The following SORBS3 variants were observed in gnomAD, a reference collection of about 807,000 sequenced individuals.
SORBS3 encodes the protein sorbin and SH3 domain containing 3, also known as vinexin.
SORBS3 carries 69 observed loss-of-function variants against 98.0 expected under a neutral mutation model. The observed-to-expected ratio is 0.70, with a 90% CI of 0.58 to 0.86. SORBS3 has a LOEUF of 0.86. Ranked by LOEUF, SORBS3 falls within the 40% of genes least tolerant of loss-of-function variation. The probability of loss-of-function intolerance (pLI) is 0.00; values close to 1 mark genes in which losing one functional copy is unlikely to be tolerated. For missense variants in SORBS3, 954 were observed against 908.5 expected, an observed-to-expected ratio of 1.05 and a Z score of -0.64; for synonymous variants, 394 against 355.4, an observed-to-expected ratio of 1.11 and a Z score of -1.22.
rs764818767 is a variant in SORBS3, at chr8:22,561,882, G to A, written c.535G>A (p.Ala179Thr). 6.2e-7 allele frequency: 1 copy of A among 1,614,172 alleles called. No individual in the cohort carries two copies. Among genetic ancestry groups the A allele is most frequent in the Admixed American group, 1.7e-5 (1 of 60,018 alleles). ...CTCTGCAGACCCCAGGCATCTAGGAGCCCAGCAAAGACCTGCCCACAGGCC... is the reference window on the plus strand; with the variant it reads ...CTCTGCAGACCCCAGGCATCTAGGAACCCAGCAAAGACCTGCCCACAGGCC... Reference protein sequence around the residue: ...EPPRDPRHLGAQQRPAHRPGP... With the variant: ...EPPRDPRHLGTQQRPAHRPGP... Residue 179 changes from alanine to threonine, a missense_variant, in exon 7 of 21, where the codon GCC (alanine) becomes ACC (threonine). Transcript: ENST00000240123.
At chr8:22,565,734 C>A (rs1020152844) in intron 11 of SORBS3, 92 bp from the exon 12 acceptor site, 3 of 1,269,564 alleles carry the variant, frequency 2.4e-6, no homozygotes, top group Non-Finnish European at 3.0e-6. Flanking sequence ...CTCTCCTCCC[C>A]TCCCGAGCCG....
intron 3 of SORBS3, among the ~76,000 whole-genome samples, chr8:22,556,153 C>G (rs1840179290): frequency 6.6e-6 from 1 of 152,234 alleles, no homozygotes; most frequent in Non-Finnish European, 1.5e-5. Context: ...GACTCAGTCA[C>G]AACCATGTCT....
At position 22,562,046 on chromosome 8, in the gene SORBS3, T is replaced by TG. The variant is rs200245047; in HGVS notation, c.584+119dup. On this transcript the variant is annotated intron_variant, in intron 7 of 20. Transcript: ENST00000240123. Reference sequence around the variant, plus strand: ...CACAGCCTCGGAGCCCAGCCAGGAGTGGGGTCTCACTTCCGTGTCCGTCTG... The same window carrying TG: ...CACAGCCTCGGAGCCCAGCCAGGAGTGGGGGTCTCACTTCCGTGTCCGTCTG... 4.8e-3 allele frequency: 4,445 copies of TG among 925,034 alleles called. 106 individuals are homozygous for TG. The African/African-American group carries it at 0.055, about 12-fold the overall frequency. The allele number at this position is 925,034 out of a possible 1,614,324, so 57.3% of individuals were successfully genotyped here.
intron 3 of SORBS3, among the ~76,000 whole-genome samples, chr8:22,555,892 C>T (rs1400126975): frequency 5.9e-5 from 9 of 152,162 alleles, no homozygotes; most frequent in East Asian, 3.8e-4. Context: ...AAAACACCCA[C>T]ACAATTATGG....
rs1840368279 is a variant in SORBS3, at chr8:22,564,703, C to T, written c.816+182C>T. ...TGGCATACAGGAGGCGCTCAGTAAA[C>T]ATGTGTTAAATAAATATGTGTTGGC... On this transcript the variant is annotated intron_variant, in intron 10 of 20. Transcript: ENST00000240123. 4 of 1,401,574 alleles carry T rather than the reference C, an allele frequency of 2.9e-6. No homozygotes were observed. In the South Asian group the frequency reaches 4.4e-5, roughly 16 times the overall value. The allele number at this position is 1,401,574 out of a possible 1,614,324, so 86.8% of individuals were successfully genotyped here. A position where few individuals can be genotyped will look rare whatever the true frequency, so the allele number is the denominator to read the frequency against.
intron 11 of SORBS3, 164 bp from the exon 12 acceptor site, chr8:22,565,662 A>G: frequency 8.3e-7 from 1 of 1,201,284 alleles, no homozygotes; most frequent in East Asian, 3.5e-5. Context: ...CCCTTCCCCT[A>G]GTTCCCGCCC....
In SORBS3 at chr8:22,561,875, T is replaced by C; in HGVS notation, c.528T>C (p.His176=). 6.2e-7 allele frequency: 1 copy of C among 1,614,120 alleles called. No individual in the cohort carries two copies. The highest frequency in any genetic ancestry group is 2.2e-5 in the East Asian group (1 of 44,878). ...GTACCTCCTCTGCAGACCCCAGGCA[T>C]CTAGGAGCCCAGCAAAGACCTGCCC... ...TFEEPPRDPR[H]LGAQQRPAHR... is the part of the protein sequence containing the mutation. The change falls in exon 7 of 21, where the codon CAT becomes CAC. Residue 176 remains histidine (H), a synonymous_variant. Coordinates refer to ENST00000240123, the MANE Select transcript of SORBS3 (RefSeq NM_005775.5).
At position 22,564,245 on chromosome 8, in the gene SORBS3, C is replaced by T. The variant is rs372940142; in HGVS notation, c.676-38C>T. 9.0e-6 allele frequency: 14 copies of T among 1,547,562 alleles called. No individual in the cohort carries two copies. In the African/African-American group the frequency reaches 1.5e-4, roughly 17 times the overall value. ...TTGAGCCTGGCCAGTGTCCCAGTAG[C>T]CCTCTTCACAAGCTGACACCCACCC... is the stretch of plus-strand genomic sequence containing the variant. On this transcript the variant is annotated intron_variant, in intron 8 of 20. Coordinates refer to ENST00000240123, the MANE Select transcript of SORBS3 (RefSeq NM_005775.5).
At chr8:22,572,258 C>G in intron 19 of SORBS3, 82 bp from the exon 20 acceptor site, 1 of 1,133,242 alleles carries the variant, frequency 8.8e-7, no homozygotes, top group South Asian at 1.3e-5. Context: ...TGAAGGGACC[C>G]TGGGGCATTC....
intron 3 of SORBS3, among the ~76,000 whole-genome samples, chr8:22,556,407 C>G (rs1840183545): frequency 6.6e-6 from 1 of 152,212 alleles, no homozygotes; most frequent in African/African-American, 2.4e-5. Context: ...TACTGCCACA[C>G]CCCAGCTGGG....
At chr8:22,568,740 G>A (rs938927613) in intron 16 of SORBS3, among the ~76,000 whole-genome samples, 2 of 152,196 alleles carry the variant, frequency 1.3e-5, no homozygotes, top group Non-Finnish European at 2.9e-5. Context: ...GGAACCCAGG[G>A]ACACCCGGTT....
intron 5 of SORBS3, among the ~76,000 whole-genome samples, chr8:22,558,695 A>G (rs1458165105): frequency 1.3e-5 from 2 of 152,196 alleles, no homozygotes; most frequent in African/African-American, 4.8e-5. Flanking sequence ...ATAAACAGAC[A>G]CACCTTTGAC....
Position 22,554,533 on chromosome 8 carries a change from C to T in SORBS3, c.27C>T (p.Arg9=), listed in dbSNP as rs779309968. The change falls in exon 2 of 21, where the codon CGC becomes CGT. Residue 9 remains arginine, a synonymous_variant. Transcript: ENST00000240123. This position sits in a 1 kb window ranked among gnomAD's most constrained non-coding sequence, Gnocchi z 6.5. ...TGCAGGGCCCACCCCGCAGCCTCCGCGCTGGGCTCAGCCTGGACGACTTCA... is the reference window on the plus strand; with the variant it reads ...TGCAGGGCCCACCCCGCAGCCTCCGTGCTGGGCTCAGCCTGGACGACTTCA... MQGPPRSL[R]AGLSLDDFIP... 2.6e-5 allele frequency: 42 copies of T among 1,612,518 alleles called. No homozygotes were observed. The highest frequency in any genetic ancestry group is 4.5e-5 in the East Asian group (2 of 44,890).
Position 22,574,942 on chromosome 8 carries a change from C to G in SORBS3, c.*214C>G. The G allele has an allele frequency of 1.5e-6, 1 of 686,742 alleles. No homozygotes were observed. Among genetic ancestry groups the G allele is most frequent in the Non-Finnish European group, 2.7e-6 (1 of 375,238 alleles). The allele number at this position is 686,742 out of a possible 1,614,324, so 42.5% of individuals were successfully genotyped here. ...ACAGGCATTCCTCCCACAGCCCTTT[C>G]ATTTCCTCCCCACCCCACTCCCCAA... On this transcript the variant is annotated 3_prime_UTR_variant, in exon 21 of 21. Transcript: ENST00000240123.
At position 22,551,964 on chromosome 8, in the gene SORBS3, C is replaced by T. The variant is rs541893913; in HGVS notation, c.-114C>T. 3 of 985,362 alleles carry T rather than the reference C, an allele frequency of 3.0e-6. No individual in the cohort carries two copies. The African/African-American group carries it at 5.2e-5, about 17-fold the overall frequency. The allele number at this position is 985,362 out of a possible 1,614,324, so 61.0% of individuals were successfully genotyped here. A position where few individuals can be genotyped will look rare whatever the true frequency, so the allele number is the denominator to read the frequency against. On this transcript the variant is annotated 5_prime_UTR_variant, in exon 1 of 21. Coordinates refer to ENST00000240123, the MANE Select transcript of SORBS3 (RefSeq NM_005775.5). This position sits in a 1 kb window ranked among gnomAD's most constrained non-coding sequence, Gnocchi z 5.8. ...GCGCCCGCGCCAGGCAGCAGCCGGG[C>T]AGGGATGCTCCTGCGCTCCCGGGCG...
At chr8:22,573,045 G>A (rs1840631062) in intron 20 of SORBS3, among the ~76,000 whole-genome samples, 1 of 152,236 alleles carries the variant, frequency 6.6e-6, no homozygotes, top group African/African-American at 2.4e-5. Context: ...CCAGAGAGAA[G>A]AGAGTGGCCA....
chr8:22,562,055 A>G (rs1840307785), intron 7 of SORBS3, 124 bp downstream of exon 7: 4 of 837,400 alleles, frequency 4.8e-6, no homozygotes, highest in Non-Finnish European at 7.9e-6. Context: ...GTGGGGTCTC[A>G]CTTCCGTGTC....
chr8:22,557,990 C>G, intron 4 of SORBS3, 139 bp from the exon 5 acceptor site: 1 of 773,724 alleles, frequency 1.3e-6, no homozygotes, highest in Non-Finnish European at 2.4e-6. Context: ...AAAGAGATCG[C>G]AAGAGAAGCA....
chr8:22,564,510 C>T lies in SORBS3; in HGVS notation c.805C>T (p.Gln269Ter). ...LVDDPGEKPS[Q>*]PIEVLLEREL... ...GGACGACCCTGGTGAGAAGCCCTCC[C>T]AGCCCATTGAGGTGAGTGCTGCAGG... Residue 269 changes from glutamine to a stop codon, truncating the protein, a stop_gained, in exon 10 of 21, where the codon CAG becomes TAG. Transcript: ENST00000240123. LOFTEE classifies it high-confidence loss of function. 1 of 1,614,086 alleles carries T rather than the reference C, an allele frequency of 6.2e-7. No individual in the cohort carries two copies. Among genetic ancestry groups the T allele is most frequent in the Non-Finnish European group, 8.5e-7 (1 of 1,180,020 alleles).
Sources: allele counts gnomAD v4.1 joint callset (sites outside exome capture counted in the v4.1 genomes callset), GRCh38; gene constraint gnomAD v4.1.1; non-coding constraint Gnocchi (gnomAD v3.1); transcripts MANE v1.5; gene names NCBI Gene and HGNC (gene_info 2026-07-23, HGNC 2026-07-21).